Variants in RNF6 observed in about 807,000 individuals in gnomAD.
RNF6 encodes ring finger protein 6, also known as E3 ubiquitin-protein ligase RNF6.
RNF6 carries 21 observed loss-of-function variants against 50.1 expected under a neutral mutation model. The ratio of observed to expected loss-of-function variants is 0.42; its 90% CI spans 0.30 to 0.60. The LOEUF (loss-of-function observed/expected upper bound fraction) is 0.60, where lower values mean the gene tolerates loss of function less well. Among genes scored for constraint, RNF6 ranks in the 20% least tolerant of loss-of-function variants. RNF6 has a pLI of 0.20. For missense variants in RNF6, 698 were observed against 838.2 expected, an observed-to-expected ratio of 0.83 and a Z score of 2.07; for synonymous variants, 255 against 291.8, an observed-to-expected ratio of 0.87 and a Z score of 1.29.
intron 5 of RNF6, among the ~76,000 whole-genome samples, chr13:26,181,525 G>A (rs1873243628): frequency 6.6e-6 from 1 of 152,196 alleles, no homozygotes; most frequent in Non-Finnish European, 1.5e-5. Flanking sequence ...CCCATTGGGT[G>A]GAAATGTCCA....
At chr13:26,141,811 A>T (rs932820684) in intron 5 of RNF6, among the ~76,000 whole-genome samples, 1 of 152,164 alleles carries the variant, frequency 6.6e-6, no homozygotes, top group African/African-American at 2.4e-5. Flanking sequence ...CTTTCTGGAC[A>T]TTGGCCTTGG....
intron 5 of RNF6, among the ~76,000 whole-genome samples, chr13:26,169,900 C>T (rs1277633104): frequency 6.6e-6 from 1 of 152,238 alleles, no homozygotes; most frequent in African/African-American, 2.4e-5. Flanking sequence ...TGAGTTCACA[C>T]TCTCTCCTAT....
At chr13:26,152,039 C>A (rs1228193784) in intron 5 of RNF6, among the ~76,000 whole-genome samples, 1 of 152,164 alleles carries the variant, frequency 6.6e-6, no homozygotes, top group Non-Finnish European at 1.5e-5. Context: ...GGGTAACACA[C>A]CAACCTCTTT....
chr13:26,166,377 C>G (rs1872452447), intron 5 of RNF6, among the ~76,000 whole-genome samples: 1 of 152,066 alleles, frequency 6.6e-6, no homozygotes, highest in South Asian at 2.1e-4. Context: ...GAGAAAGAAA[C>G]AAAGAGCATC....
At chr13:26,143,448 T>C (rs1003031214) in intron 5 of RNF6, among the ~76,000 whole-genome samples, 1 of 152,142 alleles carries the variant, frequency 6.6e-6, no homozygotes, top group Non-Finnish European at 1.5e-5. Flanking sequence ...GTGGAATCAT[T>C]GTTATGCCTC....
intron 5 of RNF6, among the ~76,000 whole-genome samples, chr13:26,193,048 T>C (rs1470343786): frequency 6.6e-6 from 1 of 152,084 alleles, no homozygotes; most frequent in Non-Finnish European, 1.5e-5. Context: ...GAAAACTGGG[T>C]TAGGGGAACC....
In RNF6 at chr13:26,189,725, G is replaced by A. The variant is rs527909345; in HGVS notation, n.768+25749C>T. Among the ~76,000 whole-genome samples, 47 of 108,842 alleles carry A rather than the reference G, an allele frequency of 4.3e-4. 1 individual carries two copies. The South Asian group carries it at 0.012, about 28-fold the overall frequency. The allele number at this position is 108,842 out of a possible 152,430, so 71.4% of individuals were successfully genotyped here. The stretch of plus-strand genomic sequence containing the variant: ...ATCCACTCTCATTTTTAAGCTCCTT[G>A]GAGATAGAGATTTCACAGTCTGCTT... On this transcript the variant is annotated intron_variant and non_coding_transcript_variant, in intron 5 of 5. Coordinates refer to the RNF6 transcript ENST00000468480.
intron 5 of RNF6, among the ~76,000 whole-genome samples, chr13:26,154,840 G>A (rs1055105179): frequency 6.6e-6 from 1 of 152,008 alleles, no homozygotes; most frequent in Admixed American, 6.6e-5. Flanking sequence ...GACCAGCCTG[G>A]CCAACATGGC....
At position 26,218,501 on chromosome 13, in the gene RNF6, T is replaced by TC; in HGVS notation, c.289+9dup. The TC allele has an allele frequency of 6.2e-7, 1 of 1,606,290 alleles. No individual in the cohort carries two copies. Among genetic ancestry groups the TC allele is most frequent in the Non-Finnish European group, 8.5e-7 (1 of 1,173,152 alleles). ...CAAGCCTGTTCCTTATGGAAAGGAC[T>TC]CCATAGTACCTCTGTAATTCGTTCC... On this transcript the variant is annotated intron_variant, in intron 4 of 4. Coordinates refer to ENST00000381588, the MANE Select transcript of RNF6 (RefSeq NM_005977.4).
intron 5 of RNF6, among the ~76,000 whole-genome samples, chr13:26,190,122 C>G (rs558279182): frequency 6.6e-6 from 1 of 152,072 alleles, no homozygotes; most frequent in African/African-American, 2.4e-5. Context: ...AGAAACCGAT[C>G]GAATGTGGTT....
At chr13:26,197,098 A>G (rs1244648331) in intron 5 of RNF6, among the ~76,000 whole-genome samples, 1 of 151,918 alleles carries the variant, frequency 6.6e-6, no homozygotes, top group Non-Finnish European at 1.5e-5. Context: ...ATGAATGACT[A>G]CATCCAAACC....
At chr13:26,145,747 G>T (rs1194211288) in intron 5 of RNF6, among the ~76,000 whole-genome samples, 1 of 152,144 alleles carries the variant, frequency 6.6e-6, no homozygotes, top group Non-Finnish European at 1.5e-5. Flanking sequence ...ATACGATGGG[G>T]CACTGATCTC....
At chr13:26,207,408 A>C (rs1226646774) in intron 5 of RNF6, among the ~76,000 whole-genome samples, 1 of 152,232 alleles carries the variant, frequency 6.6e-6, no homozygotes, top group Non-Finnish European at 1.5e-5. Context: ...TGAGGCTTGT[A>C]GAAAAATTAC....
chr13:26,137,674 G>T, intron 5 of RNF6, among the ~76,000 whole-genome samples: 1 of 146,202 alleles, frequency 6.8e-6, no homozygotes, highest in East Asian at 2.0e-4. Context: ...AAAACAAATA[G>T]AAACTCTGGG....
chr13:26,214,643 A>T lies in RNF6; in HGVS notation c.1239T>A (p.Asp413Glu). Residue 413 changes from aspartate to glutamate, a missense_variant, in exon 5 of 5, where the codon GAT becomes GAA. Transcript: ENST00000381588. ...VRRIRPGENR[D>E]RDSIANRTRS... The stretch of plus-strand genomic sequence containing the variant: ...GAGTTCTATTTGCAATACTATCCCG[A>T]TCTCTATTTTCTCCAGGACGGATCC... 6.2e-7 allele frequency: 1 copy of T among 1,614,088 alleles called. No homozygotes were observed.
chr13:26,194,188 T>C (rs2085976782), intron 5 of RNF6, among the ~76,000 whole-genome samples: 1 of 152,176 alleles, frequency 6.6e-6, no homozygotes, highest in Admixed American at 6.5e-5. Flanking sequence ...CATATTCAGG[T>C]GCTAGAGAGT....
intron 5 of RNF6, among the ~76,000 whole-genome samples, chr13:26,188,362 A>G (rs1266058116): frequency 6.6e-6 from 1 of 152,202 alleles, no homozygotes; most frequent in Non-Finnish European, 1.5e-5. Flanking sequence ...TAATTGTGGC[A>G]CAGAGGAAGG....
At chr13:26,168,716 C>A (rs956289670) in intron 5 of RNF6, among the ~76,000 whole-genome samples, 2 of 152,218 alleles carry the variant, frequency 1.3e-5, no homozygotes, top group Non-Finnish European at 2.9e-5. Context: ...GAAATGCAAA[C>A]AAAGGCAGAC....
intron 5 of RNF6, among the ~76,000 whole-genome samples, chr13:26,172,744 T>G (rs139302917): frequency 6.6e-6 from 1 of 152,062 alleles, no homozygotes; most frequent in South Asian, 2.1e-4. Context: ...AAGGTTTCAC[T>G]ATGTTAGCCA....
Sources: gnomAD v4.1 joint callset for allele counts (sites outside exome capture counted in the v4.1 genomes callset) on GRCh38, gnomAD v4.1.1 for gene constraint, MANE v1.5 for transcripts, NCBI Gene and HGNC (gene_info 2026-07-23, HGNC 2026-07-21) for gene names.